ARHGAP1: variants seen among roughly 807,000 people sequenced by gnomAD.
ARHGAP1 encodes rho GTPase-activating protein 1.
A neutral mutation model predicts 52.2 loss-of-function variants in ARHGAP1; 23 were observed. The ratio of observed to expected loss-of-function variants is 0.44; its 90% CI spans 0.32 to 0.62. The LOEUF is 0.62. ARHGAP1 is among the 20% of genes least tolerant of loss of function. ARHGAP1 has a pLI of 0.05. For missense variants in ARHGAP1, 480 were observed against 560.9 expected, an observed-to-expected ratio of 0.86 and a Z score of 1.46; for synonymous variants, 210 against 228.4, an observed-to-expected ratio of 0.92 and a Z score of 0.73.
chr11:46,689,290 A>T (rs752542469), intron 3 of ARHGAP1, among the ~76,000 whole-genome samples: 27 of 152,144 alleles, frequency 1.8e-4, no homozygotes, highest in Non-Finnish European at 3.2e-4. Flanking sequence ...GATTCCAGTT[A>T]CATGAGATGT....
At chr11:46,687,941 C>A in intron 4 of ARHGAP1, 1 of 509,824 alleles carries the variant, frequency 2.0e-6, no homozygotes, top group East Asian at 3.2e-5. Context: ...GTGAGGAAAG[C>A]GAGGCTTAAA....
rs1038925311 is a variant in ARHGAP1, at chr11:46,677,901, G to A, written c.*1136C>T. On this transcript the variant is annotated 3_prime_UTR_variant, in exon 13 of 13. Coordinates refer to ENST00000311956, the MANE Select transcript of ARHGAP1 (RefSeq NM_004308.5). ...GAAGGCGGAGGTGTGCCGAGATCGCGCCACTGCACTCCAGCCTGGTGACAG... is the reference window on the plus strand; with the variant it reads ...GAAGGCGGAGGTGTGCCGAGATCGCACCACTGCACTCCAGCCTGGTGACAG... 5 of 424,184 alleles carry A rather than the reference G, an allele frequency of 1.2e-5. No individual in the cohort carries two copies. The highest frequency in any genetic ancestry group is 2.1e-5 in the African/African-American group (1 of 46,724). 26.3% of individuals were successfully genotyped at this position (424,184 alleles called of 1,614,324 possible). A position where few individuals can be genotyped will look rare whatever the true frequency, so the allele number is the denominator to read the frequency against.
chr11:46,694,519 G>A, intron 3 of ARHGAP1, among the ~76,000 whole-genome samples: 1 of 152,198 alleles, frequency 6.6e-6, no homozygotes, highest in Non-Finnish European at 1.5e-5. Flanking sequence ...GGAAGGAGGT[G>A]TCACCCACGG....
Position 46,680,703 on chromosome 11 carries a change from G to A in ARHGAP1, c.680C>T (p.Ala227Val), listed in dbSNP as rs781348427. Residue 227 changes from alanine to valine, a missense_variant, in exon 8 of 13, where the codon GCC becomes GTC. Coordinates refer to ENST00000311956, the MANE Select transcript of ARHGAP1 (RefSeq NM_004308.5). The surrounding 1 kb of genome is among the most constrained non-coding windows in gnomAD (Gnocchi z 5.9). ...GGGCCGTGGGGGCATGGGCTTGGGG[G>A]CTGTCGCGGGGCTCTTCTGTGTGGA... is the stretch of plus-strand genomic sequence containing the variant. ...LKSTQKSPAT[A>V]PKPMPPRPPL... The A allele has an allele frequency of 1.3e-6, 2 of 1,584,826 alleles. No individual in the cohort carries two copies. The highest frequency in any genetic ancestry group is 8.6e-7 in the Non-Finnish European group (1 of 1,165,160).
rs552003652 is a variant in ARHGAP1 at position 46,681,527 on chromosome 11, G to A, written c.450-148C>T. The A allele has an allele frequency of 7.0e-5, 44 of 627,472 alleles. No homozygotes were observed. The highest frequency in any genetic ancestry group is 4.8e-4 in the African/African-American group (26 of 54,242). 38.9% of individuals were successfully genotyped at this position (627,472 alleles called of 1,614,324 possible). A position where few individuals can be genotyped will look rare whatever the true frequency, so the allele number is the denominator to read the frequency against. On this transcript the variant is annotated intron_variant, in intron 5 of 12. Coordinates refer to ENST00000311956, the MANE Select transcript of ARHGAP1 (RefSeq NM_004308.5). The surrounding 1 kb of genome is among the most constrained non-coding windows in gnomAD (Gnocchi z 5.7). ...CAGCTCATTGCAGCCTCCACCTCCC[G>A]GATTCAAGCTATTCTCCTGCCTCAG...
chr11:46,682,190 G>A lies in ARHGAP1; in HGVS notation c.318-8C>T. 2 of 1,613,912 alleles carry A rather than the reference G, an allele frequency of 1.2e-6. No homozygotes were observed. The highest frequency in any genetic ancestry group is 1.1e-5 in the South Asian group (1 of 91,076). ...AGGGTGTGCTTCAGGTACCTTCCAG[G>A]GAAAAGCCCTGCTCAGGCCTGCCCT... is the stretch of plus-strand genomic sequence containing the variant. On this transcript the variant is annotated splice_polypyrimidine_tract_variant and splice_region_variant and intron_variant, in intron 4 of 12. Coordinates refer to ENST00000311956, the MANE Select transcript of ARHGAP1 (RefSeq NM_004308.5).
intron 3 of ARHGAP1, chr11:46,695,211 C>T (rs1275868121): frequency 1.2e-5 from 4 of 346,332 alleles, no homozygotes; most frequent in Non-Finnish European, 1.7e-5. Context: ...GAGCCATGTG[C>T]CCCCTCCCCA....
At chr11:46,693,559 C>T (rs572131637) in intron 3 of ARHGAP1, among the ~76,000 whole-genome samples, 67 of 152,210 alleles carry the variant, frequency 4.4e-4, no homozygotes, top group Non-Finnish European at 8.5e-4. Context: ...GCACAGGCTA[C>T]CACACCTGGC....
At chr11:46,684,212 G>C (rs150747474) in intron 4 of ARHGAP1, among the ~76,000 whole-genome samples, 22 of 152,336 alleles carry the variant, frequency 1.4e-4, no homozygotes, top group African/African-American at 4.8e-4. Context: ...TCCACACTGA[G>C]CACTGCAGTT....
At chr11:46,688,005 C>T (rs1324222470) in intron 4 of ARHGAP1, 168 bp downstream of exon 4, 24 of 612,068 alleles carry the variant, frequency 3.9e-5, no homozygotes, top group African/African-American at 2.4e-4. Flanking sequence ...TCTGACTCCT[C>T]GTCCAGTGCT....
Position 46,681,012 on chromosome 11 carries a change from T to G in ARHGAP1, c.634A>C (p.Lys212Gln). 6.2e-7 allele frequency: 1 copy of G among 1,613,904 alleles called. No homozygotes were observed. Among genetic ancestry groups the G allele is most frequent in the Non-Finnish European group, 8.5e-7 (1 of 1,179,900 alleles). The change falls in exon 7 of 13, where the codon AAA (lysine) becomes CAA (glutamine). Residue 212 changes from lysine to glutamine, a missense_variant and splice_region_variant. Transcript: ENST00000311956. This position sits in a 1 kb window ranked among gnomAD's most constrained non-coding sequence, Gnocchi z 5.7. Reference sequence around the variant, plus strand: ...CCCCAGCCGCCGCACCCGCCTCACTTGAGCACTTGGCGAGGGATCCCCAGC... The same window carrying G: ...CCCCAGCCGCCGCACCCGCCTCACTGGAGCACTTGGCGAGGGATCCCCAGC... ...EQLGIPRQVL[K>Q]YDDFLKSTQK...
At chr11:46,684,189 C>A (rs141481090) in intron 4 of ARHGAP1, among the ~76,000 whole-genome samples, 1,755 of 152,332 alleles carry the variant, frequency 0.012, 22 homozygotes, top group Middle Eastern at 0.034. Context: ...AGTACATGGT[C>A]ATTTACCCCT....
chr11:46,679,561 T>C lies in ARHGAP1; in HGVS notation c.1027+87A>G. On this transcript the variant is annotated intron_variant, in intron 11 of 12. Coordinates refer to ENST00000311956, the MANE Select transcript of ARHGAP1 (RefSeq NM_004308.5). The surrounding 1 kb of genome is among the most constrained non-coding windows in gnomAD (Gnocchi z 4.4). ...GCTAGAGGGGAGACCCCCAGCAGTC[T>C]TCCCTGGGAGGCGCCTAGGCCCGAA... 1.9e-6 allele frequency: 3 copies of C among 1,607,042 alleles called. No individual in the cohort carries two copies. The highest frequency in any genetic ancestry group is 2.6e-6 in the Non-Finnish European group (3 of 1,175,500).
At position 46,696,700 on chromosome 11, in the gene ARHGAP1, C is replaced by T. The variant is rs534287322; in HGVS notation, c.-49-544G>A. Reference sequence around the variant, plus strand: ...CCTGGCCAGCATGGTGAAACCCCATCTCTACTAAAAATACAAAAACTAGCT... The same window carrying T: ...CCTGGCCAGCATGGTGAAACCCCATTTCTACTAAAAATACAAAAACTAGCT... On this transcript the variant is annotated intron_variant, in intron 1 of 12. Transcript: ENST00000311956. The surrounding 1 kb of genome is among the most constrained non-coding windows in gnomAD (Gnocchi z 4.8). Among the ~76,000 whole-genome samples the T allele has an allele frequency of 6.6e-6, 1 of 152,284 alleles. No individual in the cohort carries two copies. Among genetic ancestry groups the T allele is most frequent in the African/African-American group, 2.4e-5 (1 of 41,544 alleles).
intron 3 of ARHGAP1, among the ~76,000 whole-genome samples, chr11:46,690,773 A>G (rs1299685733): frequency 1.3e-5 from 2 of 151,994 alleles, no homozygotes; most frequent in Non-Finnish European, 2.9e-5. Context: ...TCTCCTGTAG[A>G]ATTGTTTATG....
At chr11:46,684,036 C>G (rs1018111115) in intron 4 of ARHGAP1, among the ~76,000 whole-genome samples, 1 of 152,110 alleles carries the variant, frequency 6.6e-6, no homozygotes, top group Non-Finnish European at 1.5e-5. Context: ...CTAAGCACTT[C>G]CAAGGGGAGG....
chr11:46,685,162 T>C (rs2064558696), intron 4 of ARHGAP1, among the ~76,000 whole-genome samples: 1 of 149,616 alleles, frequency 6.7e-6, no homozygotes, highest in Non-Finnish European at 1.5e-5. Context: ...AGGAAATGAC[T>C]ACACAAAAAT....
At position 46,680,262 on chromosome 11, in the gene ARHGAP1, AG is replaced by A; in HGVS notation, c.840del (p.Phe281SerfsTer91). ...LQAHALTTEG[I>X]FRRSANTQVV... is the part of the protein sequence containing the mutation. ...ACTTGGGTGTTGGCCGACCTCCGGA[AG>A]ATGCCCTCGGTGGTGAGAGCTGGGA... is the stretch of plus-strand genomic sequence containing the variant. On this transcript the variant is annotated frameshift_variant, in exon 10 of 13. Transcript: ENST00000311956. LOFTEE classifies it high-confidence loss of function. This position sits in a 1 kb window ranked among gnomAD's most constrained non-coding sequence, Gnocchi z 5.9. 1 of 1,614,152 alleles carries A rather than the reference AG, an allele frequency of 6.2e-7. No homozygotes were observed. Among genetic ancestry groups the A allele is most frequent in the African/African-American group, 1.3e-5 (1 of 75,048 alleles).
chr11:46,699,129 A>G lies in ARHGAP1; in HGVS notation c.-50+1422T>C, dbSNP rs115414740. The stretch of plus-strand genomic sequence containing the variant: ...TTTCTGAAATTGGTAACATGTGTGG[A>G]CTTTTTCCCTAAGAAAACTTAGGAG... On this transcript the variant is annotated intron_variant, in intron 1 of 12. Transcript: ENST00000311956. Among the ~76,000 whole-genome samples the G allele has an allele frequency of 4.7e-3, 712 of 152,302 alleles. 3 individuals are homozygous for G. The highest frequency in any genetic ancestry group is 0.016 in the African/African-American group (685 of 41,558).
Sources: gnomAD v4.1 joint callset for allele counts (sites outside exome capture counted in the v4.1 genomes callset) on GRCh38, gnomAD v4.1.1 for gene constraint, Gnocchi (gnomAD v3.1) non-coding constraint, MANE v1.5 for transcripts, NCBI Gene and HGNC (gene_info 2026-07-23, HGNC 2026-07-21) for gene names.